The following LCT variants were observed in gnomAD, a reference collection of about 807,000 sequenced individuals.
LCT encodes lactase/phlorizin hydrolase.
Under a neutral mutation model 173.0 loss-of-function variants are expected in LCT, and 90 were observed. The observed-to-expected ratio is 0.52, with a 90% confidence interval of 0.44 to 0.62. LCT has a LOEUF of 0.62. Among genes scored for constraint, LCT ranks in the 20% least tolerant of loss-of-function variants. The pLI is 0.00. For missense variants in LCT, 1,864 were observed against 2,431.4 expected (o/e 0.77, Z 4.91); for synonymous variants, 853 against 957.6 (o/e 0.89, Z 2.02).
chr2:135,788,682 C>T, intron 16 of LCT, 138 bp from the exon 17 acceptor site: 3 of 709,752 alleles, frequency 4.2e-6, no homozygotes, highest in Middle Eastern at 3.7e-4. Flanking sequence ...GGTACCCATC[C>T]CCTTTCACTG....
At chr2:135,834,782 C>T (rs2077971022) in intron 1 of LCT, among the ~76,000 whole-genome samples, 4 of 25,900 alleles carry the variant, frequency 1.5e-4, no homozygotes, top group African/African-American at 8.7e-4. Flanking sequence ...AGTGAGACTC[C>T]ATCTCAAAAA....
In LCT at chr2:135,804,788, C is replaced by A. The variant is rs770849268; in HGVS notation, c.4443G>T (p.Leu1481=). The change falls in exon 10 of 17, where the codon CTG becomes CTT. Residue 1481 remains leucine, a synonymous_variant. Coordinates refer to ENST00000264162, the MANE Select transcript of LCT (RefSeq NM_002299.4). The part of the protein sequence containing the change: ...NYYVRLIDTL[L]AASIQPQVTI... ...ATACCTGGGGCTGGATGCTGGCGGC[C>A]AGCAGTGTATCGATGAGCCTCACGT... 1 of 1,612,920 alleles carries A rather than the reference C, an allele frequency of 6.2e-7. No homozygotes were observed. The highest frequency in any genetic ancestry group is 1.1e-5 in the South Asian group (1 of 91,018).
Position 135,812,879 on chromosome 2 carries a change from C to A in LCT, c.1785G>T (p.Gly595=). Residue 595 remains glycine (G), a synonymous_variant, in exon 7 of 17, where the codon GGG becomes GGT. Transcript: ENST00000264162. Reference sequence around the variant, plus strand: ...CTGAGTTCAGCACAATGCCCACGTGCCCCTGCTGCTGTGGGCGATGATGGC... The same window carrying A: ...CTGAGTTCAGCACAATGCCCACGTGACCCTGCTGCTGTGGGCGATGATGGC... ...YNSHHRPQQQ[G]HVGIVLNSDW... 6.2e-7 allele frequency: 1 copy of A among 1,614,192 alleles called. No homozygotes were observed. The highest frequency in any genetic ancestry group is 8.5e-7 in the Non-Finnish European group (1 of 1,180,026).
chr2:135,836,333 G>C (rs1017857095), intron 1 of LCT, among the ~76,000 whole-genome samples, 197 bp downstream of exon 1: 1 of 152,090 alleles, frequency 6.6e-6, no homozygotes, highest in African/African-American at 2.4e-5. Flanking sequence ...AGGAAATGCT[G>C]AGTGTTTTGC....
At position 135,809,584 on chromosome 2, in the gene LCT, C is replaced by G. The variant is rs116951780; in HGVS notation, c.2763G>C (p.Ala921=). 6.2e-7 allele frequency: 1 copy of G among 1,614,198 alleles called. No individual in the cohort carries two copies. The highest frequency in any genetic ancestry group is 8.5e-7 in the Non-Finnish European group (1 of 1,180,050). The change falls in exon 8 of 17, where the codon GCG becomes GCC. Residue 921 remains alanine (A), a synonymous_variant. Coordinates refer to ENST00000264162, the MANE Select transcript of LCT (RefSeq NM_002299.4). The surrounding 1 kb of genome is among the most constrained non-coding windows in gnomAD (Gnocchi z 5.5). ...VSSSAYQIEG[A]WDADGKGPSI... is the part of the protein sequence containing the mutation. ...TGGGGCCTTTGCCATCGGCATCCCA[C>G]GCGCCTTCAATCTGATAAGCGGAAG...
intron 16 of LCT, among the ~76,000 whole-genome samples, chr2:135,789,230 C>T (rs2077515637): frequency 6.6e-6 from 1 of 152,196 alleles, no homozygotes; most frequent in African/African-American, 2.4e-5. Flanking sequence ...ATTGTACTTT[C>T]ATGGTCCCTT....
chr2:135,793,005 GACCA>G (rs1430541872), intron 14 of LCT, among the ~76,000 whole-genome samples: 1 of 152,154 alleles, frequency 6.6e-6, no homozygotes, highest in East Asian at 1.9e-4. Context: ...CCTGGCTGGA[GACCA>G]ACCAACTCAC....
intron 1 of LCT, 57 bp downstream of exon 1, chr2:135,836,473 G>T: frequency 6.7e-7 from 1 of 1,494,412 alleles, no homozygotes; most frequent in South Asian, 1.1e-5. Flanking sequence ...AAGGAGGATG[G>T]GGAAGGTGTG....
Position 135,803,941 on chromosome 2 carries a change from G to C in LCT, c.4652C>G (p.Thr1551Arg). ...GGGCTGGGACTTACCTGGAGCTGCT[G>C]TTCCGTAGCCATAGCCCTGGTAAGC... The part of the protein sequence containing the change: ...VIAYQGYGYG[T>R]AAPGVSNRPG... Residue 1551 changes from threonine (T) to arginine (R), a missense_variant, in exon 11 of 17, where the codon ACA becomes AGA. By Grantham distance (71) the Thr-to-Arg change is moderately conservative. Around this residue, in one of 4 missense-constraint regions of LCT, gnomAD observed 514 missense variants for 750.1 expected, o/e 0.69. Coordinates refer to ENST00000264162, the MANE Select transcript of LCT (RefSeq NM_002299.4). 6.2e-7 allele frequency: 1 copy of C among 1,613,838 alleles called. No individual in the cohort carries two copies.
rs187749393 is a variant in LCT at position 135,801,437 on chromosome 2, A to G, written c.4664-628T>C. ...TAAAACTTAAAAGACAACCCAGGCC[A>G]GGCAGGGTGGCTCACACCCATAATC... On this transcript the variant is annotated intron_variant, in intron 11 of 16. Coordinates refer to ENST00000264162, the MANE Select transcript of LCT (RefSeq NM_002299.4). Among the ~76,000 whole-genome samples the G allele has an allele frequency of 1.6e-3, 242 of 152,178 alleles. 1 individual carries two copies. Among genetic ancestry groups the G allele is most frequent in the African/African-American group, 5.6e-3 (232 of 41,564 alleles).
chr2:135,792,020 A>C (rs1379199666), intron 14 of LCT, among the ~76,000 whole-genome samples: 1 of 152,228 alleles, frequency 6.6e-6, no homozygotes, highest in Non-Finnish European at 1.5e-5. Context: ...CTTTGAAAGA[A>C]GCAGAATGCT....
rs1296524537 is a variant in LCT, at chr2:135,807,252, G to T, written c.4049C>A (p.Ala1350Asp). 1.9e-6 allele frequency: 3 copies of T among 1,614,082 alleles called. No homozygotes were observed. The highest frequency in any genetic ancestry group is 2.5e-6 in the Non-Finnish European group (3 of 1,180,028). ...NNTNRPRTAR[A>D]SARYYTEVIT... ...GACCTCTGTGTAGTACCTGGCGGAG[G>T]CTCTTGCTGTGCGAGGCCTGTTCGT... The change falls in exon 9 of 17, where the codon GCC (alanine) becomes GAC (aspartate). Residue 1350 changes from alanine to aspartate, a missense_variant. Ala to Asp is a moderately radical substitution (Grantham distance 126). Transcript: ENST00000264162.
Position 135,824,849 on chromosome 2 carries a change from A to G in LCT, c.805-846T>C, listed in dbSNP as rs2077871161. On this transcript the variant is annotated intron_variant, in intron 3 of 16. Coordinates refer to ENST00000264162, the MANE Select transcript of LCT (RefSeq NM_002299.4). The stretch of plus-strand genomic sequence containing the variant: ...GAAACCCTGTCTTTATCAAAAATAC[A>G]AAAATTAGCTGGGCTTGGTGGTGCA... 2.0e-5 allele frequency among the ~76,000 whole-genome samples: 3 copies of G among 151,150 alleles called. No homozygotes were observed. The South Asian group carries it at 6.3e-4, about 32-fold the overall frequency.
intron 14 of LCT, among the ~76,000 whole-genome samples, chr2:135,791,287 G>A (rs1219278988): frequency 6.6e-6 from 1 of 152,260 alleles, no homozygotes; most frequent in African/African-American, 2.4e-5. Context: ...AGTCACCCAT[G>A]TCTAGTCAAT....
In LCT at chr2:135,812,620, C is replaced by G. The variant is rs757734272; in HGVS notation, c.2044G>C (p.Gly682Arg). The change falls in exon 7 of 17, where the codon GGT becomes CGT. Residue 682 changes from glycine (G) to arginine (R), a missense_variant. Physicochemically the swap from Gly to Arg is moderately radical, Grantham distance 125. Coordinates refer to ENST00000264162, the MANE Select transcript of LCT (RefSeq NM_002299.4). ...QLLKGSADFL[G>R]LSHYTSRLIS... ...AGGCGGGAGGTGTAATGCGACAGAC[C>G]CAGAAAATCAGCAGAGCCTTTCAGG... 1.2e-6 allele frequency: 2 copies of G among 1,610,732 alleles called. No homozygotes were observed. The highest frequency in any genetic ancestry group is 1.7e-6 in the Non-Finnish European group (2 of 1,177,206).
intron 2 of LCT, among the ~76,000 whole-genome samples, chr2:135,831,653 C>T (rs955084444): frequency 6.6e-6 from 1 of 152,172 alleles, no homozygotes; most frequent in Admixed American, 6.5e-5. Flanking sequence ...CCATTCTGGC[C>T]GTGCAATCAG....
At chr2:135,831,097 A>G (rs1047319194) in intron 2 of LCT, among the ~76,000 whole-genome samples, 3 of 151,908 alleles carry the variant, frequency 2.0e-5, no homozygotes, top group African/African-American at 7.3e-5. Context: ...GCTCTCTCCT[A>G]GCTCTCTAGG....
intron 4 of LCT, chr2:135,822,667 AGGGGCCCTGT>A (rs1424116647): frequency 5.6e-5 from 9 of 160,858 alleles, no homozygotes; most frequent in Admixed American, 1.8e-4. Context: ...GATAAACTTC[AGGGGCCCTGT>A]GGAGCCAACC....
chr2:135,802,705 G>C (rs944196466), intron 11 of LCT, among the ~76,000 whole-genome samples: 1 of 152,164 alleles, frequency 6.6e-6, no homozygotes, highest in African/African-American at 2.4e-5. Context: ...ATTAGAGGAT[G>C]GGAAGGGTAG....
Sources: gnomAD v4.1 joint callset for allele counts (sites outside exome capture counted in the v4.1 genomes callset) on GRCh38, gnomAD v4.1.1 for gene constraint, gnomAD v4.1.1 regional missense constraint, Gnocchi (gnomAD v3.1) non-coding constraint, MANE v1.5 for transcripts, NCBI Gene and HGNC (gene_info 2026-07-23, HGNC 2026-07-21) for gene names.